Variants in NFIC observed in about 807,000 individuals in gnomAD.
NFIC encodes nuclear factor 1 C-type.
A neutral mutation model predicts 54.4 loss-of-function variants in NFIC; 12 were observed. The ratio of observed to expected loss-of-function variants is 0.22; its 90% CI spans 0.14 to 0.36. The LOEUF is 0.36. Ranked by LOEUF, NFIC falls within the 10% of genes least tolerant of loss-of-function variation. The pLI is 1.00. For synonymous variants in NFIC, 322 were observed against 319.2 expected (o/e 1.01, Z -0.09); for missense variants, 575 against 718.2 (o/e 0.80, Z 2.28).
At chr19:3,431,357 C>G (rs777911789) in intron 3 of NFIC, among the ~76,000 whole-genome samples, 51 of 126,646 alleles carry the variant, frequency 4.0e-4, no homozygotes, top group Non-Finnish European at 8.0e-4. Flanking sequence ...TCTTTTCCTT[C>G]TTCTTTTTTT....
intron 4 of NFIC, among the ~76,000 whole-genome samples, chr19:3,433,976 C>T (rs972962950): frequency 6.6e-6 from 1 of 152,146 alleles, no homozygotes; most frequent in Non-Finnish European, 1.5e-5. Flanking sequence ...AATCCCACCC[C>T]AGCGAGTCCT....
rs1230631731 is a variant in NFIC, at chr19:3,366,663, C to G, written c.27C>G (p.Thr9=). 1 of 1,472,436 alleles carries G rather than the reference C, an allele frequency of 6.8e-7. No individual in the cohort carries two copies. Among genetic ancestry groups the G allele is most frequent in the African/African-American group, 1.5e-5 (1 of 67,512 alleles). 91.2% of individuals were successfully genotyped at this position (1,472,436 alleles called of 1,614,324 possible). A position where few individuals can be genotyped will look rare whatever the true frequency, so the allele number is the denominator to read the frequency against. The change falls in exon 1 of 11, where the codon ACC becomes ACG. Residue 9 remains threonine, a synonymous_variant. Transcript: ENST00000443272. MYSSPLCL[T]QDEFHPFIEA... is the part of the protein sequence containing the mutation. ...TGTATTCGTCCCCGCTCTGCCTCAC[C>G]CAGGTACGGTCCTCGCCCGGCCCCC...
At chr19:3,428,683 TGGG>T (rs1164034838) in intron 3 of NFIC, among the ~76,000 whole-genome samples, 1 of 151,448 alleles carries the variant, frequency 6.6e-6, no homozygotes, top group Non-Finnish European at 1.5e-5. Flanking sequence ...TGGAGGGAGG[TGGG>T]GGCAGCGGCG....
intron 2 of NFIC, among the ~76,000 whole-genome samples, chr19:3,385,204 C>G (rs546158101): frequency 5.3e-5 from 8 of 151,274 alleles, no homozygotes; most frequent in East Asian, 2.0e-4. Context: ...AGGGCACACC[C>G]CCCCCCAACC....
chr19:3,414,896 A>G (rs945954652), intron 2 of NFIC, among the ~76,000 whole-genome samples: 4 of 151,732 alleles, frequency 2.6e-5, no homozygotes, highest in African/African-American at 9.7e-5. Context: ...CTGGAGTGCA[A>G]TGGCATGATC....
At chr19:3,402,546 G>T (rs1262320952) in intron 2 of NFIC, among the ~76,000 whole-genome samples, 1 of 152,190 alleles carries the variant, frequency 6.6e-6, no homozygotes, top group Non-Finnish European at 1.5e-5. Context: ...TGCCCTCAAG[G>T]AGGTGACATT....
Position 3,452,316 on chromosome 19 carries a change from A to G in NFIC, c.1085-166A>G, listed in dbSNP as rs986732667. On this transcript the variant is annotated intron_variant, in intron 7 of 10. Transcript: ENST00000443272. This position sits in a 1 kb window ranked among gnomAD's most constrained non-coding sequence, Gnocchi z 5.3. ...GTGGGGTTGCCGTGGGAGTCGGGGA[A>G]TTTGGGTGTCAATGTGGTCAGTGCT... is the stretch of plus-strand genomic sequence containing the variant. Among the ~76,000 whole-genome samples the G allele has an allele frequency of 6.6e-5, 10 of 152,050 alleles. No individual in the cohort carries two copies. The highest frequency in any genetic ancestry group is 2.4e-4 in the African/African-American group (10 of 41,388).
intron 6 of NFIC, among the ~76,000 whole-genome samples, chr19:3,448,265 G>T (rs956559612): frequency 1.3e-5 from 2 of 152,162 alleles, no homozygotes; most frequent in East Asian, 3.8e-4. Context: ...TGGAGACAGG[G>T]TTTCACCATG....
At chr19:3,382,717 G>T (rs947893135) in intron 2 of NFIC, among the ~76,000 whole-genome samples, 3 of 151,790 alleles carry the variant, frequency 2.0e-5, no homozygotes, top group African/African-American at 7.3e-5. Context: ...ACGGGGCAAG[G>T]AGGGTCTGAG....
rs1599672745 is a variant in NFIC at position 3,429,457 on chromosome 19, G to C, written c.635-4061G>C. 2.6e-5 allele frequency among the ~76,000 whole-genome samples: 4 copies of C among 152,148 alleles called. No individual in the cohort carries two copies. The South Asian group carries it at 8.3e-4, about 32-fold the overall frequency. ...AATACAAAAATTAGCCAAGGGTGGT[G>C]ATGCGTGCCTGTAGTCCCAGCTACT... On this transcript the variant is annotated intron_variant, in intron 3 of 10. Transcript: ENST00000443272.
chr19:3,382,125 C>T lies in NFIC; in HGVS notation c.444C>T (p.Gly148=), dbSNP rs1486977798. Residue 148 remains glycine, a synonymous_variant, in exon 2 of 11, where the codon GGC becomes GGT. Coordinates refer to ENST00000443272, the MANE Select transcript of NFIC (RefSeq NM_001245002.2). ...GCATCCCGCTGGAGAGCACCGACGG[C>T]GAGCGCCTGGTCAAGGCTGCGCAGT... is the stretch of plus-strand genomic sequence containing the variant. ...FKGIPLESTD[G]ERLVKAAQCG... The T allele has an allele frequency of 9.9e-6, 16 of 1,613,306 alleles. No homozygotes were observed. Among genetic ancestry groups the T allele is most frequent in the South Asian group, 2.2e-5 (2 of 91,086 alleles).
In NFIC at chr19:3,464,786, GCCCTTGGTC is replaced by G; in HGVS notation, c.*2020_*2028del. 2 of 885,726 alleles carry G rather than the reference GCCCTTGGTC, an allele frequency of 2.3e-6. No individual in the cohort carries two copies. The highest frequency in any genetic ancestry group is 2.7e-6 in the Non-Finnish European group (2 of 738,968). 54.9% of individuals were successfully genotyped at this position (885,726 alleles called of 1,614,324 possible). On this transcript the variant is annotated 3_prime_UTR_variant, in exon 11 of 11. Transcript: ENST00000443272. ...GAGGTTCGCCATCCTCTGGCCTCGA[GCCCTTGGTC>G]CCTCCGTCCGTCTGTCCTCGGGGCC... is the stretch of plus-strand genomic sequence containing the variant.
intron 3 of NFIC, 31 bp downstream of exon 3, chr19:3,425,208 G>A: frequency 1.3e-6 from 2 of 1,597,032 alleles, no homozygotes; most frequent in Non-Finnish European, 1.7e-6. Flanking sequence ...GCGGTGAAGG[G>A]CGGAGGGCGC....
Position 3,452,483 on chromosome 19 carries a change from G to A in NFIC, c.1086G>A (p.Gly362=). The stretch of plus-strand genomic sequence containing the variant: ...CCCCGCTTCCCACTGTCTCCGCAGG[G>A]ATCGCCCGGAGCCCACACCCGTCCT... ...HHRPVIAVHS[G]IARSPHPSSA... The change falls in exon 8 of 11, where the codon GGG becomes GGA. Residue 362 remains glycine, a splice_region_variant and synonymous_variant. Transcript: ENST00000443272. The surrounding 1 kb of genome is among the most constrained non-coding windows in gnomAD (Gnocchi z 5.3). The A allele has an allele frequency of 6.2e-7, 1 of 1,611,220 alleles. No individual in the cohort carries two copies. Among genetic ancestry groups the A allele is most frequent in the Non-Finnish European group, 8.5e-7 (1 of 1,179,952 alleles).
rs983473378 is a variant in NFIC at position 3,375,568 on chromosome 19, G to A, written c.31-6144G>A. Among the ~76,000 whole-genome samples, 6 of 152,252 alleles carry A rather than the reference G, an allele frequency of 3.9e-5. No homozygotes were observed. The highest frequency in any genetic ancestry group is 1.9e-4 in the East Asian group (1 of 5,200). On this transcript the variant is annotated intron_variant, in intron 1 of 10. Transcript: ENST00000443272. The surrounding 1 kb of genome is among the most constrained non-coding windows in gnomAD (Gnocchi z 4.6). Reference sequence around the variant, plus strand: ...GCCTTAGCAGGTTGGCTGGGGAAGCGGGGGCAGCGGAAAAGGGCCCTGAGG... The same window carrying A: ...GCCTTAGCAGGTTGGCTGGGGAAGCAGGGGCAGCGGAAAAGGGCCCTGAGG...
chr19:3,454,272 C>T (rs1013376660), intron 9 of NFIC: 11 of 1,118,288 alleles, frequency 9.8e-6, no homozygotes, highest in African/African-American at 3.2e-5. Context: ...GGGCCAGACT[C>T]GACCCCCAGA....
Position 3,463,651 on chromosome 19 carries a change from GC to G in NFIC, c.*889del, listed in dbSNP as rs1010732633. 7.3e-6 allele frequency: 7 copies of G among 954,756 alleles called. No homozygotes were observed. Among genetic ancestry groups the G allele is most frequent in the South Asian group, 4.9e-5 (1 of 20,570 alleles). The allele number at this position is 954,756 out of a possible 1,614,324, so 59.1% of individuals were successfully genotyped here. A position where few individuals can be genotyped will look rare whatever the true frequency, so the allele number is the denominator to read the frequency against. On this transcript the variant is annotated 3_prime_UTR_variant, in exon 11 of 11. Coordinates refer to ENST00000443272, the MANE Select transcript of NFIC (RefSeq NM_001245002.2). Reference sequence around the variant, plus strand: ...CCACCCCCCACCCCCGGCATAGGAGGCCCCCCCACCTCGCCCGGCTCACACC... The same window carrying G: ...CCACCCCCCACCCCCGGCATAGGAGGCCCCCCACCTCGCCCGGCTCACACC...
At chr19:3,429,319 C>G (rs1434750591) in intron 3 of NFIC, among the ~76,000 whole-genome samples, 1 of 144,874 alleles carries the variant, frequency 6.9e-6, no homozygotes, top group African/African-American at 2.5e-5. Flanking sequence ...AGGTGCATGC[C>G]TGTAATCCCA....
rs1315633935 is a variant in NFIC, at chr19:3,467,157, C to A, written c.*4388C>A. On this transcript the variant is annotated 3_prime_UTR_variant, in exon 11 of 11. Transcript: ENST00000443272. ...ACATCTTCTCAAATCTTGTTCCACC[C>A]CCCTCTGGAAGCCCCCATCACCCAC... The A allele has an allele frequency of 6.7e-6, 1 of 148,494 alleles. No homozygotes were observed. Among genetic ancestry groups the A allele is most frequent in the African/African-American group, 2.5e-5 (1 of 39,858 alleles). 9.2% of individuals were successfully genotyped at this position (148,494 alleles called of 1,614,324 possible).
Sources: allele counts gnomAD v4.1 joint callset (sites outside exome capture counted in the v4.1 genomes callset), GRCh38; gene constraint gnomAD v4.1.1; non-coding constraint Gnocchi (gnomAD v3.1); transcripts MANE v1.5; gene names NCBI Gene and HGNC (gene_info 2026-07-23, HGNC 2026-07-21).